Variants in OR2L13 observed in about 807,000 individuals in gnomAD.
OR2L13 encodes the protein olfactory receptor 2L13.
In OR2L13, 14 loss-of-function variants were observed where a neutral mutation model predicts 15.3. The ratio of observed to expected loss-of-function variants is 0.91; its 90% CI spans 0.60 to 1.43. OR2L13 has a LOEUF of 1.43. Among genes scored for constraint, OR2L13 ranks in the 40% most tolerant of loss-of-function variants. The pLI is 0.00. For missense variants in OR2L13, 367 were observed against 387.9 expected (o/e 0.95, Z 0.45); for synonymous variants, 152 against 142.9 (o/e 1.06, Z -0.45).
chr1:248,011,210 A>G, the OR2L13 span, among the ~76,000 whole-genome samples: 2 of 152,112 alleles, frequency 1.3e-5, no homozygotes, highest in Non-Finnish European at 2.9e-5. Flanking sequence ...TTCATGTATG[A>G]AGCTTAGTTT....
At chr1:247,992,251 G>GTA in the OR2L13 span, among the ~76,000 whole-genome samples, 5 of 151,350 alleles carry the variant, frequency 3.3e-5, 1 homozygote, top group African/African-American at 1.2e-4. Context: ...TTACTCTACT[G>GTA]TAAGAATACA....
At chr1:248,058,048 T>A in the OR2L13 span, among the ~76,000 whole-genome samples, 1 of 152,178 alleles carries the variant, frequency 6.6e-6, no homozygotes, top group Non-Finnish European at 1.5e-5. Flanking sequence ...TTGTTGCAAA[T>A]CTTAGAGTCA....
chr1:247,995,383 T>TC, the OR2L13 span, among the ~76,000 whole-genome samples: 12 of 152,310 alleles, frequency 7.9e-5, no homozygotes, highest in Non-Finnish European at 1.0e-4. Flanking sequence ...GCTCTTTTCC[T>TC]CTTCACATGC....
the OR2L13 span, among the ~76,000 whole-genome samples, chr1:248,069,222 G>A: frequency 6.6e-6 from 1 of 152,190 alleles, no homozygotes. Context: ...GGCAGCCAGA[G>A]AGAAAAGTCG....
chr1:248,003,966 C>T, the OR2L13 span: 114,100 of 1,610,056 alleles, frequency 0.071, 5,600 homozygotes, highest in African/African-American at 0.29. Flanking sequence ...TTCTACACCA[C>T]CCTCACCCCA....
the OR2L13 span, among the ~76,000 whole-genome samples, chr1:248,070,827 A>C: frequency 2.6e-5 from 4 of 151,722 alleles, no homozygotes; most frequent in Non-Finnish European, 5.9e-5. Flanking sequence ...ACAAACTATC[A>C]TCAGAGAATA....
the OR2L13 span, among the ~76,000 whole-genome samples, chr1:247,993,503 C>T: frequency 6.6e-6 from 1 of 151,982 alleles, no homozygotes; most frequent in Non-Finnish European, 1.5e-5. Flanking sequence ...AAAGTGAGTT[C>T]AGATATATAA....
the OR2L13 span, among the ~76,000 whole-genome samples, chr1:248,069,957 G>T: frequency 1.3e-5 from 2 of 151,990 alleles, no homozygotes; most frequent in Non-Finnish European, 1.5e-5. Flanking sequence ...CAATACAGGA[G>T]CACCCAGATT....
chr1:247,993,789 GAGAGAGAGAGAGAGAGAGAGAGAA>G, the OR2L13 span, among the ~76,000 whole-genome samples: 1,045 of 137,870 alleles, frequency 7.6e-3, 21 homozygotes, highest in African/African-American at 0.034. Context: ...GAGAGAGAGA[GAGAGAGAGAGAGAGAGAGAGAGAA>G]AGAAAGAGAA....
the OR2L13 span, among the ~76,000 whole-genome samples, chr1:248,001,445 C>G: frequency 6.6e-6 from 1 of 151,532 alleles, no homozygotes; most frequent in Non-Finnish European, 1.5e-5. Flanking sequence ...CACCTGTATA[C>G]TGAATTTTTA....
the OR2L13 span, among the ~76,000 whole-genome samples, chr1:247,994,848 T>A: frequency 6.6e-6 from 1 of 152,228 alleles, no homozygotes; most frequent in African/African-American, 2.4e-5. Flanking sequence ...ATGTTGTATA[T>A]CTTTAATAAA....
the OR2L13 span, among the ~76,000 whole-genome samples, chr1:248,026,873 G>T: frequency 6.6e-6 from 1 of 152,060 alleles, no homozygotes; most frequent in African/African-American, 2.4e-5. Context: ...TCAGGACCCT[G>T]TGATGATTGC....
At chr1:248,013,097 A>G in the OR2L13 span, among the ~76,000 whole-genome samples, 2 of 151,914 alleles carry the variant, frequency 1.3e-5, no homozygotes, top group Non-Finnish European at 2.9e-5. Context: ...ATATATATTT[A>G]AAATATGTTA....
At chr1:247,942,078 G>T in the OR2L13 span, among the ~76,000 whole-genome samples, 5 of 151,930 alleles carry the variant, frequency 3.3e-5, no homozygotes, top group Non-Finnish European at 7.4e-5. Context: ...CTTACATATT[G>T]GGCCTAAAAA....
At chr1:248,011,651 T>G in the OR2L13 span, among the ~76,000 whole-genome samples, 1 of 152,176 alleles carries the variant, frequency 6.6e-6, no homozygotes, top group Non-Finnish European at 1.5e-5. Context: ...ATCTTTATAG[T>G]AAGAGGACAT....
chr1:248,051,869 G>T, the OR2L13 span, among the ~76,000 whole-genome samples: 2 of 152,078 alleles, frequency 1.3e-5, no homozygotes, highest in Non-Finnish European at 2.9e-5. Flanking sequence ...TTACAATGCA[G>T]ATGGTTCCAG....
chr1:248,042,202 G>A, the OR2L13 span: 2 of 152,090 alleles, frequency 1.3e-5, no homozygotes, highest in African/African-American at 4.8e-5. Flanking sequence ...CATGTCCTTT[G>A]TAGGGACATG....
the OR2L13 span, among the ~76,000 whole-genome samples, chr1:248,017,622 G>A: frequency 6.6e-6 from 1 of 152,150 alleles, no homozygotes; most frequent in African/African-American, 2.4e-5. Flanking sequence ...TCTTTTAATG[G>A]GGTCTTGGCG....
At chr1:247,957,542 G>C in the OR2L13 span, among the ~76,000 whole-genome samples, 1 of 152,148 alleles carries the variant, frequency 6.6e-6, no homozygotes, top group Non-Finnish European at 1.5e-5. Flanking sequence ...TTATACCTCT[G>C]GTAAATTCGG....
Sources: allele counts gnomAD v4.1 joint callset (sites outside exome capture counted in the v4.1 genomes callset), GRCh38; gene constraint gnomAD v4.1.1; transcripts MANE v1.5; gene names NCBI Gene and HGNC (gene_info 2026-07-23, HGNC 2026-07-21).